The following NEB variants were observed in gnomAD, a reference collection of about 807,000 sequenced individuals.
NEB encodes the protein nebulin.
Under a neutral mutation model 952.2 loss-of-function variants are expected in NEB, and 512 were observed. That is an observed-to-expected ratio of 0.54 (90% CI 0.50 to 0.58). The LOEUF is 0.58. NEB is among the 20% of genes least tolerant of loss of function. The pLI, the probability that NEB is intolerant of heterozygous loss-of-function variation, is 0.00. For synonymous variants in NEB, 2,900 were observed against 3,149.8 expected (o/e 0.92, Z 2.66); for missense variants, 8,428 against 9,231.1 (o/e 0.91, Z 3.56).
At chr2:151,636,129 AT>A (rs2098759171) in intron 64 of NEB, 97 bp downstream of exon 64, 1 of 1,028,098 alleles carries the variant, frequency 9.7e-7, no homozygotes, top group East Asian at 2.6e-5. Flanking sequence ...ATCAGGATAT[AT>A]TTTCAAAGGT....
At chr2:151,666,467 A>G in intron 40 of NEB, 66 bp from the exon 41 acceptor site, 2 of 1,472,150 alleles carry the variant, frequency 1.4e-6, no homozygotes, top group Non-Finnish European at 1.8e-6. Context: ...CTGAATTTAT[A>G]CAACAAATTA....
In NEB at chr2:151,687,638, C is replaced by G; in HGVS notation, c.2511G>C (p.Lys837Asn). The G allele has an allele frequency of 6.2e-7, 1 of 1,612,822 alleles. No individual in the cohort carries two copies. Among genetic ancestry groups the G allele is most frequent in the Non-Finnish European group, 8.5e-7 (1 of 1,179,204 alleles). Residue 837 changes from lysine to asparagine, a missense_variant, in exon 26 of 182, where the codon AAG (lysine) becomes AAC (asparagine). Transcript: ENST00000397345. ...IPLLAAKANTKNTSDVMYKKD... is the reference protein window; with the variant it reads ...IPLLAAKANTNNTSDVMYKKD... ...AGGCCACACTCACATCGCTGGTGTT[C>G]TTGGTGTTGGCTTTGGCTGCCAACA... is the stretch of plus-strand genomic sequence containing the variant.
At chr2:151,561,542 C>T (rs1264912838) in intron 121 of NEB, among the ~76,000 whole-genome samples, 2 of 149,778 alleles carry the variant, frequency 1.3e-5, no homozygotes, top group Admixed American at 6.7e-5. Flanking sequence ...TTTTCCATGC[C>T]TATTCTCCAT....
chr2:151,664,527 T>C lies in NEB; in HGVS notation c.5425A>G (p.Arg1809Gly), dbSNP rs1207957233. Reference sequence around the variant, plus strand: ...TCACTGGCAATGTCTCTAGAGGCTCTTGCAGCCTTTATTGCAATGGCATCA... The same window carrying C: ...TCACTGGCAATGTCTCTAGAGGCTCCTGCAGCCTTTATTGCAATGGCATCA... The part of the protein sequence containing the change: ...RPDAIAIKAA[R>G]ASRDIASDYK... The change falls in exon 44 of 182, where the codon AGA (arginine) becomes GGA (glycine). Residue 1809 changes from arginine (R) to glycine (G), a missense_variant. By Grantham distance (125) the Arg-to-Gly change is moderately radical. This residue lies in a region of NEB where 2,851 missense variants were observed against 2,791.5 expected (regional missense o/e 1.02). Transcript: ENST00000397345. The C allele has an allele frequency of 1.2e-6, 2 of 1,600,866 alleles. No individual in the cohort carries two copies. The highest frequency in any genetic ancestry group is 1.7e-6 in the Non-Finnish European group (2 of 1,174,764).
In NEB at chr2:151,679,958, T is replaced by C; in HGVS notation, c.3107A>G (p.Gln1036Arg). The C allele has an allele frequency of 1.9e-6, 3 of 1,613,896 alleles. No individual in the cohort carries two copies. Among genetic ancestry groups the C allele is most frequent in the Non-Finnish European group, 2.5e-6 (3 of 1,179,760 alleles). ...HKYNLPPDLP[Q>R]FIQAKVNAYN... ...GGCATTAACTTTAGCCTGGATGAAC[T>C]GGGGCAGGTCTGGTGGCAGGTTGTA... The change falls in exon 31 of 182, where the codon CAG becomes CGG. Residue 1036 changes from glutamine to arginine, a missense_variant. Physicochemically the swap from Gln to Arg is conservative, Grantham distance 43. This residue lies in a region of NEB where 2,851 missense variants were observed against 2,791.5 expected (regional missense o/e 1.02). Coordinates refer to ENST00000397345, the MANE Select transcript of NEB (RefSeq NM_001164508.2).
chr2:151,609,992 C>T lies in NEB; in HGVS notation c.12147G>A (p.Lys4049=), dbSNP rs149639365. Residue 4049 remains lysine, a synonymous_variant, in exon 81 of 182, where the codon AAG becomes AAA. Transcript: ENST00000397345. ...ACTTGGTTTTCCACTTTTGGAATTCCTTCTTGTACTCCCTTTCACTTTGAA... is the reference window on the plus strand; with the variant it reads ...ACTTGGTTTTCCACTTTTGGAATTCTTTCTTGTACTCCCTTTCACTTTGAA... ...GKIQSEREYK[K]EFQKWKTKFS... 7.9e-4 allele frequency: 1,271 copies of T among 1,613,928 alleles called. 9 individuals carry two copies. The African/African-American group carries it at 0.015, about 19-fold the overall frequency.
rs764190928 is a variant in NEB at position 151,519,444 on chromosome 2, A to G, written c.22590+214T>C. Among the ~76,000 whole-genome samples, 56 of 152,332 alleles carry G rather than the reference A, an allele frequency of 3.7e-4. 1 individual carries two copies. Among genetic ancestry groups the G allele is most frequent in the Non-Finnish European group, 7.1e-4 (48 of 68,036 alleles). On this transcript the variant is annotated intron_variant, in intron 154 of 181. Coordinates refer to ENST00000397345, the MANE Select transcript of NEB (RefSeq NM_001164508.2). ...AACAGGCAAATGCATAGAGACAAAA[A>G]GTAGATAAGAGGTTCCCAGGAGCTG...
At chr2:151,723,138 C>A (rs748032411) in intron 9 of NEB, among the ~76,000 whole-genome samples, 13 of 152,156 alleles carry the variant, frequency 8.5e-5, no homozygotes, top group Admixed American at 2.6e-4. Context: ...ACTAATGTGA[C>A]CCCAGATTCA....
chr2:151,617,540 G>C, intron 74 of NEB, 72 bp from the exon 75 acceptor site: 1 of 941,286 alleles, frequency 1.1e-6, no homozygotes, highest in Non-Finnish European at 1.6e-6. Context: ...TTATTGTTTT[G>C]ATTATGTGCC....
At position 151,571,610 on chromosome 2, in the gene NEB, C is replaced by G. The variant is rs569960990; in HGVS notation, c.17014-1009G>C. On this transcript the variant is annotated intron_variant, in intron 107 of 181. Coordinates refer to ENST00000397345, the MANE Select transcript of NEB (RefSeq NM_001164508.2). ...TCATTTGGTAATGTTAGATCTTCCG[C>G]TGAAGCATGATTGGATGTCACAGCT... Among the ~76,000 whole-genome samples the G allele has an allele frequency of 1.6e-3, 249 of 152,012 alleles. 2 individuals carry two copies. The highest frequency in any genetic ancestry group is 5.8e-3 in the African/African-American group (241 of 41,412).
intron 24 of NEB, chr2:151,690,418 T>C: frequency 3.7e-6 from 1 of 273,968 alleles, no homozygotes; most frequent in Non-Finnish European, 7.1e-6. Context: ...ATGCTTTTGT[T>C]GTCACTGTTT....
intron 142 of NEB, among the ~76,000 whole-genome samples, chr2:151,535,389 A>T (rs2092933651): frequency 6.6e-6 from 1 of 152,210 alleles, no homozygotes; most frequent in Non-Finnish European, 1.5e-5. Flanking sequence ...CTGACAGTCA[A>T]GAAAATCCTT....
intron 64 of NEB, among the ~76,000 whole-genome samples, chr2:151,634,622 A>C (rs534525035): frequency 6.7e-4 from 102 of 152,294 alleles, no homozygotes; most frequent in African/African-American, 2.0e-3. Context: ...AGCCTGGGTG[A>C]CAGCAAGACT....
intron 164 of NEB, chr2:151,505,886 C>T: frequency 1.8e-6 from 1 of 541,480 alleles, no homozygotes. Flanking sequence ...AACAGATTGA[C>T]ATACATATAT....
Position 151,546,508 on chromosome 2 carries a change from G to A in NEB, c.20368-65C>T, listed in dbSNP as rs2094708696. 10 of 996,382 alleles carry A rather than the reference G, an allele frequency of 1.0e-5. No individual in the cohort carries two copies. In the Admixed American group the frequency reaches 1.8e-4, roughly 18 times the overall value. The allele number at this position is 996,382 out of a possible 1,614,324, so 61.7% of individuals were successfully genotyped here. A position where few individuals can be genotyped will look rare whatever the true frequency, so the allele number is the denominator to read the frequency against. ...ATGTAAGTCAGGAAACACAAAAGAT[G>A]GAGTAGCAACACTTCTTAATTACTG... On this transcript the variant is annotated intron_variant, in intron 133 of 181. Transcript: ENST00000397345.
intron 171 of NEB, 21 bp downstream of exon 171, chr2:151,497,605 T>C (rs768882843): frequency 1.9e-6 from 3 of 1,551,496 alleles, no homozygotes; most frequent in African/African-American, 2.7e-5. Context: ...AAGTAGTTTT[T>C]TTCTTTTCTT....
chr2:151,728,875 T>G (rs372906589), intron 4 of NEB, among the ~76,000 whole-genome samples: 1 of 152,172 alleles, frequency 6.6e-6, no homozygotes, highest in South Asian at 2.1e-4. Context: ...TAGGTTGTTT[T>G]CTGCCCATGA....
chr2:151,575,755 G>A lies in NEB; in HGVS notation c.16953C>T (p.His5651=), dbSNP rs1188532224. 3 of 1,610,732 alleles carry A rather than the reference G, an allele frequency of 1.9e-6. No homozygotes were observed. Among genetic ancestry groups the A allele is most frequent in the Non-Finnish European group, 2.5e-6 (3 of 1,177,034 alleles). Residue 5651 remains histidine, a synonymous_variant, in exon 107 of 182, where the codon CAC becomes CAT. Transcript: ENST00000397345. ...TAATTTCTGGAGTATCTGGCATTATGTGTATTGAAGTTTTATCCTTGTCCC... is the reference window on the plus strand; with the variant it reads ...TAATTTCTGGAGTATCTGGCATTATATGTATTGAAGTTTTATCCTTGTCCC... ...EVWDKDKTSI[H]IMPDTPEINL... is the part of the protein sequence containing the mutation.
At chr2:151,641,585 C>A (rs1160188735) in intron 60 of NEB, among the ~76,000 whole-genome samples, 1 of 152,180 alleles carries the variant, frequency 6.6e-6, no homozygotes, top group Non-Finnish European at 1.5e-5. Flanking sequence ...CCCGCCTTGA[C>A]CTCCCAAAGC....
Sources: gnomAD v4.1 joint callset for allele counts (sites outside exome capture counted in the v4.1 genomes callset) on GRCh38, gnomAD v4.1.1 for gene constraint, gnomAD v4.1.1 regional missense constraint, MANE v1.5 for transcripts, NCBI Gene and HGNC (gene_info 2026-07-23, HGNC 2026-07-21) for gene names.